Variants in CTIF observed in about 807,000 individuals in gnomAD.
CTIF encodes cap binding complex dependent translation initiation factor.
CTIF carries 21 observed loss-of-function variants against 66.0 expected under a neutral mutation model. The ratio of observed to expected loss-of-function variants is 0.32; its 90% confidence interval spans 0.23 to 0.46. The LOEUF (loss-of-function observed/expected upper bound fraction) is 0.46. CTIF is among the 20% of genes least tolerant of loss of function. The pLI is 1.00. For synonymous variants in CTIF, 345 were observed against 326.4 expected, an observed-to-expected ratio of 1.06 and a Z score of -0.62; for missense variants, 739 against 812.7, an observed-to-expected ratio of 0.91 and a Z score of 1.10.
rs74559183 is a variant in CTIF, at chr18:48,843,542, C to T, written c.1528-14046C>T. ...ACCCAGCCCCTAGATGGCCCTGAGG[C>T]CCCATTTATAATGGGGGCCCTGAGG... is the stretch of plus-strand genomic sequence containing the variant. On this transcript the variant is annotated intron_variant, in intron 10 of 11. Coordinates refer to ENST00000256413, the MANE Select transcript of CTIF (RefSeq NM_014772.3). Among the ~76,000 whole-genome samples, 517 of 152,172 alleles carry T rather than the reference C, an allele frequency of 3.4e-3. 4 individuals are homozygous for T. Among genetic ancestry groups the T allele is most frequent in the African/African-American group, 0.012 (486 of 41,522 alleles).
chr18:48,663,663 A>G (rs1048260571), intron 3 of CTIF, 89 bp from the exon 4 acceptor site: 3 of 1,225,904 alleles, frequency 2.4e-6, no homozygotes, highest in East Asian at 2.3e-5. Flanking sequence ...GGCTCACTCC[A>G]GCCCCCCAGC....
chr18:48,734,830 T>C (rs2092486083), intron 7 of CTIF, among the ~76,000 whole-genome samples: 3 of 152,178 alleles, frequency 2.0e-5, no homozygotes, highest in African/African-American at 7.2e-5. Context: ...CTCGCAAGCC[T>C]AGACTGAGCC....
intron 7 of CTIF, among the ~76,000 whole-genome samples, chr18:48,715,220 T>C (rs1354702904): frequency 1.3e-5 from 2 of 152,106 alleles, no homozygotes. Flanking sequence ...GGGCTGCGTC[T>C]AGTGAATTGT....
intron 1 of CTIF, among the ~76,000 whole-genome samples, chr18:48,554,711 C>T (rs2088973937): frequency 3.3e-5 from 5 of 152,248 alleles, no homozygotes; most frequent in Admixed American, 3.3e-4. Flanking sequence ...GGCTCTCCTT[C>T]CCACTTCAAT....
chr18:48,652,550 G>C (rs1343361767), intron 3 of CTIF, among the ~76,000 whole-genome samples: 1 of 152,186 alleles, frequency 6.6e-6, no homozygotes, highest in Non-Finnish European at 1.5e-5. Flanking sequence ...AATTCTACCA[G>C]AGGTACAAAG....
rs536347339 is a variant in CTIF at position 48,782,375 on chromosome 18, G to A, written c.1371+20686G>A. ...TGCAGAGGGATGGGGGCAGCACTCT[G>A]TTTTCCTCTCCTGAGCCTCTGCCAC... On this transcript the variant is annotated intron_variant, in intron 9 of 11. Coordinates refer to ENST00000256413, the MANE Select transcript of CTIF (RefSeq NM_014772.3). 1.9e-4 allele frequency among the ~76,000 whole-genome samples: 29 copies of A among 152,232 alleles called. No homozygotes were observed. The Middle Eastern group carries it at 0.014, about 71-fold the overall frequency.
chr18:48,555,541 G>T (rs577300030), intron 1 of CTIF, among the ~76,000 whole-genome samples: 6 of 152,330 alleles, frequency 3.9e-5, no homozygotes, highest in African/African-American at 1.2e-4. Context: ...GATGTTTCAT[G>T]CAGGCTCCTA....
intron 1 of CTIF, among the ~76,000 whole-genome samples, chr18:48,585,537 C>A (rs1481730960): frequency 6.6e-6 from 1 of 152,112 alleles, no homozygotes; most frequent in Non-Finnish European, 1.5e-5. Flanking sequence ...CCACACCATC[C>A]ACACACTGGG....
chr18:48,550,615 C>A (rs1465725131), intron 1 of CTIF, among the ~76,000 whole-genome samples: 2 of 152,156 alleles, frequency 1.3e-5, no homozygotes, highest in Non-Finnish European at 2.9e-5. Context: ...GTCACTGTGT[C>A]CTCCTCCCCC....
chr18:48,837,885 C>T (rs983698693), intron 10 of CTIF, among the ~76,000 whole-genome samples: 4 of 152,222 alleles, frequency 2.6e-5, no homozygotes, highest in South Asian at 2.1e-4. Context: ...TGGGTGACTG[C>T]GAGGCTAAGA....
chr18:48,542,326 A>G (rs2088640606), intron 1 of CTIF, among the ~76,000 whole-genome samples: 1 of 152,234 alleles, frequency 6.6e-6, no homozygotes, highest in South Asian at 2.1e-4. Context: ...GGCTGTGTTC[A>G]TTGAGTCTTT....
intron 1 of CTIF, among the ~76,000 whole-genome samples, chr18:48,616,581 C>T (rs1167928696): frequency 1.3e-5 from 2 of 152,176 alleles, no homozygotes; most frequent in Non-Finnish European, 2.9e-5. Context: ...TCTCTCTGAA[C>T]CTCCGTTTTC....
chr18:48,779,214 C>G (rs1910983595), intron 9 of CTIF, among the ~76,000 whole-genome samples: 1 of 152,220 alleles, frequency 6.6e-6, no homozygotes, highest in Admixed American at 6.5e-5. Context: ...TCCTCCTTTG[C>G]CATTGGGCCA....
chr18:48,767,602 C>T (rs761911850), intron 9 of CTIF, among the ~76,000 whole-genome samples: 24 of 151,968 alleles, frequency 1.6e-4, no homozygotes, highest in Non-Finnish European at 2.6e-4. Context: ...CAGAAGGATG[C>T]GATACCTTTT....
Position 48,782,363 on chromosome 18 carries a change from G to T in CTIF, c.1371+20674G>T, listed in dbSNP as rs1012397478. Reference sequence around the variant, plus strand: ...AGTCCCACTGATTGCAGAGGGATGGGGGCAGCACTCTGTTTTCCTCTCCTG... The same window carrying T: ...AGTCCCACTGATTGCAGAGGGATGGTGGCAGCACTCTGTTTTCCTCTCCTG... On this transcript the variant is annotated intron_variant, in intron 9 of 11. Transcript: ENST00000256413. 3.3e-5 allele frequency among the ~76,000 whole-genome samples: 5 copies of T among 152,230 alleles called. 1 individual carries two copies. In the South Asian group the frequency reaches 8.3e-4, roughly 25 times the overall value.
At chr18:48,765,615 G>A (rs1909446359) in intron 9 of CTIF, among the ~76,000 whole-genome samples, 1 of 152,348 alleles carries the variant, frequency 6.6e-6, no homozygotes, top group South Asian at 2.1e-4. Flanking sequence ...TTGCCAAGCT[G>A]GGGTGCAGCC....
chr18:48,640,280 C>T (rs1386765016), intron 3 of CTIF, among the ~76,000 whole-genome samples: 1 of 152,232 alleles, frequency 6.6e-6, no homozygotes, highest in Non-Finnish European at 1.5e-5. Context: ...CCAAGCTGTT[C>T]CGCGCACACC....
At chr18:48,668,201 CTG>C (rs1416060280) in intron 5 of CTIF, among the ~76,000 whole-genome samples, 1 of 152,242 alleles carries the variant, frequency 6.6e-6, no homozygotes, top group South Asian at 2.1e-4. Flanking sequence ...GAACAGAAAG[CTG>C]TGTTTGGAGT....
chr18:48,659,258 C>G (rs985973739), intron 3 of CTIF, among the ~76,000 whole-genome samples: 1 of 152,080 alleles, frequency 6.6e-6, no homozygotes, highest in Non-Finnish European at 1.5e-5. Flanking sequence ...TGCCCTATAC[C>G]TACTTCTCCA....
Sources: gnomAD v4.1 joint callset for allele counts (sites outside exome capture counted in the v4.1 genomes callset) on GRCh38, gnomAD v4.1.1 for gene constraint, MANE v1.5 for transcripts, NCBI Gene and HGNC (gene_info 2026-07-23, HGNC 2026-07-21) for gene names.